PCDHGA7: variants seen among roughly 807,000 people sequenced by gnomAD.
PCDHGA7 encodes the protein protocadherin gamma-A7.
In PCDHGA7, 44 loss-of-function variants were observed where a neutral mutation model predicts 58.3. The observed-to-expected ratio is 0.75, with a 90% CI of 0.59 to 0.97. PCDHGA7 has a LOEUF of 0.97. PCDHGA7 is among the 50% of genes least tolerant of loss of function. The pLI is 0.00. For synonymous variants in PCDHGA7, 516 were observed against 504.2 expected (o/e 1.02, Z -0.31); for missense variants, 1,266 against 1,188.7 (o/e 1.06, Z -0.96).
chr5:141,449,930 A>G (rs1353778264), intron 1 of PCDHGA7, among the ~76,000 whole-genome samples: 1 of 151,614 alleles, frequency 6.6e-6, no homozygotes, highest in East Asian at 1.9e-4. Context: ...ACCATACCTT[A>G]TAGTATATTT....
At chr5:141,453,058 G>C (rs2098754889) in intron 1 of PCDHGA7, among the ~76,000 whole-genome samples, 2 of 152,076 alleles carry the variant, frequency 1.3e-5, no homozygotes, top group Admixed American at 1.3e-4. Flanking sequence ...TGCAGTTTTA[G>C]AGTTTTGCCA....
At chr5:141,395,215 A>G in intron 1 of PCDHGA7, 1 of 1,612,350 alleles carries the variant, frequency 6.2e-7, no homozygotes, top group Middle Eastern at 1.7e-4. Context: ...CATGAATATA[A>G]GAATGAAGCT....
At chr5:141,399,532 C>G (rs552966531) in intron 1 of PCDHGA7, 28 of 1,614,066 alleles carry the variant, frequency 1.7e-5, no homozygotes, top group Non-Finnish European at 2.2e-5. Flanking sequence ...CTCCATCGCG[C>G]AAGTCTGCGC....
chr5:141,446,130 CTT>C (rs1191897284), intron 1 of PCDHGA7, among the ~76,000 whole-genome samples: 2 of 152,076 alleles, frequency 1.3e-5, no homozygotes, highest in African/African-American at 4.8e-5. Context: ...TTCAATAAGA[CTT>C]AATAATGGAA....
chr5:141,488,572 T>C (rs888054788), intron 1 of PCDHGA7, among the ~76,000 whole-genome samples: 28 of 152,212 alleles, frequency 1.8e-4, no homozygotes, highest in African/African-American at 6.8e-4. Flanking sequence ...CCGCAAAGCA[T>C]TGCTGGAGAG....
chr5:141,386,848 A>G (rs1458200403), intron 1 of PCDHGA7, among the ~76,000 whole-genome samples: 1 of 152,186 alleles, frequency 6.6e-6, no homozygotes, highest in East Asian at 1.9e-4. Flanking sequence ...TAATCACTAA[A>G]CTCAGTGAGC....
At chr5:141,452,831 G>A (rs1184490491) in intron 1 of PCDHGA7, among the ~76,000 whole-genome samples, 1 of 152,104 alleles carries the variant, frequency 6.6e-6, no homozygotes, top group Non-Finnish European at 1.5e-5. Flanking sequence ...AAAATCACTT[G>A]GTCCAGCCCA....
chr5:141,389,111 C>G (rs752785695), intron 1 of PCDHGA7: 8 of 1,614,008 alleles, frequency 5.0e-6, no homozygotes, highest in Non-Finnish European at 6.8e-6. Flanking sequence ...CTGTTCTAGA[C>G]CGCGAGCAGA....
At position 141,511,199 on chromosome 5, in the gene PCDHGA7, G is replaced by C. The variant is rs1303066281; in HGVS notation, c.*26G>C. On this transcript the variant is annotated 3_prime_UTR_variant, in exon 4 of 4. Coordinates refer to ENST00000518325, the MANE Select transcript of PCDHGA7 (RefSeq NM_018920.4). The stretch of plus-strand genomic sequence containing the variant: ...CATGGAGGCCAGGCCAAGAGCCACA[G>C]GGCGGCCTCTCCCCAACCAGCCCAG... 6.2e-6 allele frequency: 10 copies of C among 1,612,868 alleles called. No individual in the cohort carries two copies. In the East Asian group the frequency reaches 2.2e-4, roughly 36 times the overall value.
Position 141,432,530 on chromosome 5 carries a change from G to C in PCDHGA7, c.2424+47207G>C. On this transcript the variant is annotated intron_variant, in intron 1 of 3. Transcript: ENST00000518325. This position sits in a 1 kb window ranked among gnomAD's most constrained non-coding sequence, Gnocchi z 6.0. ...AGAGCCCGGCTACCTGGTGACCAAG[G>C]TGGTGGCGGTGGACAGAGACTCCGG... 6.2e-7 allele frequency: 1 copy of C among 1,614,076 alleles called. No homozygotes were observed. Among genetic ancestry groups the C allele is most frequent in the South Asian group, 1.1e-5 (1 of 91,082 alleles).
intron 1 of PCDHGA7, chr5:141,430,576 T>G (rs767759432): frequency 3.3e-5 from 15 of 459,492 alleles, no homozygotes; most frequent in Non-Finnish European, 5.5e-5. Flanking sequence ...AAAGCGGAGA[T>G]CCTGCTCGCC....
chr5:141,421,362 C>T (rs2096566609), intron 1 of PCDHGA7: 1 of 1,613,998 alleles, frequency 6.2e-7, no homozygotes, highest in African/African-American at 1.3e-5. Context: ...AGGGCTCCTT[C>T]GTGGGCAATA....
intron 1 of PCDHGA7, chr5:141,415,483 A>G: frequency 6.2e-7 from 1 of 1,614,212 alleles, no homozygotes; most frequent in South Asian, 1.1e-5. Context: ...CTCGCGAAAG[A>G]GTCACCTGAT....
chr5:141,465,430 C>T (rs1212434943), intron 1 of PCDHGA7, among the ~76,000 whole-genome samples: 2 of 152,150 alleles, frequency 1.3e-5, no homozygotes, highest in Non-Finnish European at 2.9e-5. Context: ...AAGGTGGGCA[C>T]TTAATGATTA....
chr5:141,403,717 G>GC (rs1561689685), intron 1 of PCDHGA7: 2 of 1,613,936 alleles, frequency 1.2e-6, no homozygotes, highest in South Asian at 2.2e-5. Flanking sequence ...TTGAGAACGT[G>GC]CCCCCAGGCA....
chr5:141,486,506 A>C lies in PCDHGA7; in HGVS notation c.2425-8301A>C. The C allele has an allele frequency of 6.2e-7, 1 of 1,614,134 alleles. No individual in the cohort carries two copies. The highest frequency in any genetic ancestry group is 8.5e-7 in the Non-Finnish European group (1 of 1,180,006). Reference sequence around the variant, plus strand: ...TACCCACAGAACTATTTTCCTCAATATTTCAGATGTGAATGATAATCCACC... The same window carrying C: ...TACCCACAGAACTATTTTCCTCAATCTTTCAGATGTGAATGATAATCCACC... On this transcript the variant is annotated intron_variant, in intron 1 of 3. Transcript: ENST00000518325. The surrounding 1 kb of genome is among the most constrained non-coding windows in gnomAD (Gnocchi z 5.0).
chr5:141,495,323 G>C (rs1029646773), intron 2 of PCDHGA7, among the ~76,000 whole-genome samples: 2 of 152,214 alleles, frequency 1.3e-5, no homozygotes, highest in African/African-American at 4.8e-5. Context: ...AGCCGAGGCT[G>C]ACTGCAGCCT....
At position 141,431,808 on chromosome 5, in the gene PCDHGA7, C is replaced by A. The variant is rs2097419249; in HGVS notation, c.2424+46485C>A. Reference sequence around the variant, plus strand: ...GACAATGCCCCAGAAGTGGTCCTCACCTCTCTCGCCAGCTCGGTTCCCGAA... The same window carrying A: ...GACAATGCCCCAGAAGTGGTCCTCAACTCTCTCGCCAGCTCGGTTCCCGAA... On this transcript the variant is annotated intron_variant, in intron 1 of 3. Transcript: ENST00000518325. The surrounding 1 kb of genome is among the most constrained non-coding windows in gnomAD (Gnocchi z 4.8). The A allele has an allele frequency of 6.2e-7, 1 of 1,614,236 alleles. No individual in the cohort carries two copies. Among genetic ancestry groups the A allele is most frequent in the Non-Finnish European group, 8.5e-7 (1 of 1,180,040 alleles).
chr5:141,431,624 G>C lies in PCDHGA7; in HGVS notation c.2424+46301G>C. The C allele has an allele frequency of 2.5e-6, 4 of 1,614,234 alleles. No individual in the cohort carries two copies. Among genetic ancestry groups the C allele is most frequent in the Non-Finnish European group, 3.4e-6 (4 of 1,180,038 alleles). On this transcript the variant is annotated intron_variant, in intron 1 of 3. Transcript: ENST00000518325. This position sits in a 1 kb window ranked among gnomAD's most constrained non-coding sequence, Gnocchi z 4.8. ...CTTCCGGTATGTGGACGACAAGGCG[G>C]CCCAAGTTTTCAAACTAGATTGTAA...
Sources: gnomAD v4.1 joint callset for allele counts (sites outside exome capture counted in the v4.1 genomes callset) on GRCh38, gnomAD v4.1.1 for gene constraint, Gnocchi (gnomAD v3.1) non-coding constraint, MANE v1.5 for transcripts, NCBI Gene and HGNC (gene_info 2026-07-23, HGNC 2026-07-21) for gene names.